SLC35F3: variants seen among roughly 807,000 people sequenced by gnomAD.
The protein encoded by SLC35F3 is solute carrier family 35 member F3.
A neutral mutation model predicts 49.9 loss-of-function variants in SLC35F3; 25 were observed. That is an observed-to-expected ratio of 0.50 (90% CI 0.37 to 0.70). The LOEUF (loss-of-function observed/expected upper bound fraction) is 0.70. SLC35F3 is among the 30% of genes least tolerant of loss of function. The probability of loss-of-function intolerance (pLI) is 0.00; values close to 1 mark genes in which losing one functional copy is unlikely to be tolerated. For missense variants in SLC35F3, 525 were observed against 639.8 expected, an observed-to-expected ratio of 0.82 and a Z score of 1.94; for synonymous variants, 275 against 265.4, an observed-to-expected ratio of 1.04 and a Z score of -0.35.
At chr1:234,091,102 C>T (rs1345421070) in intron 2 of SLC35F3, among the ~76,000 whole-genome samples, 4 of 152,208 alleles carry the variant, frequency 2.6e-5, no homozygotes, top group African/African-American at 7.2e-5. Flanking sequence ...ATAAAAGATA[C>T]ACCCAATACA....
intron 2 of SLC35F3, among the ~76,000 whole-genome samples, chr1:234,192,340 A>G (rs972265470): frequency 3.9e-5 from 6 of 152,202 alleles, no homozygotes; most frequent in African/African-American, 1.4e-4. Flanking sequence ...GAGAATTAAA[A>G]ACAAAAATCA....
intron 3 of SLC35F3, among the ~76,000 whole-genome samples, chr1:234,233,661 A>G (rs1667418886): frequency 6.6e-6 from 1 of 152,228 alleles, no homozygotes; most frequent in African/African-American, 2.4e-5. Context: ...CAGCACCTTG[A>G]TTTCAACCTA....
chr1:234,169,409 G>C (rs1312496337), intron 2 of SLC35F3, among the ~76,000 whole-genome samples: 1 of 152,188 alleles, frequency 6.6e-6, no homozygotes, highest in African/African-American at 2.4e-5. Context: ...CCCAGCAGAT[G>C]GTTAGCAACA....
intron 3 of SLC35F3, among the ~76,000 whole-genome samples, chr1:234,275,759 A>T (rs200404693): frequency 1.5e-5 from 2 of 137,008 alleles, no homozygotes; most frequent in African/African-American, 2.9e-5. Context: ...ATTGAAAAAA[A>T]AAAAATATAT....
At position 233,919,393 on chromosome 1, in the gene SLC35F3, T is replaced by C. The variant is rs924748387; in HGVS notation, c.283+13635T>C. On this transcript the variant is annotated intron_variant, in intron 2 of 7. Coordinates refer to ENST00000366618, the MANE Select transcript of SLC35F3 (RefSeq NM_173508.4). The stretch of plus-strand genomic sequence containing the variant: ...TGGCCACATCACTGTCCCTCAGATA[T>C]GCTCATTGGTGTGTGGTGACCAATA... Among the ~76,000 whole-genome samples, 7 of 152,208 alleles carry C rather than the reference T, an allele frequency of 4.6e-5. No homozygotes were observed. In the East Asian group the frequency reaches 5.8e-4, roughly 13 times the overall value.
intron 2 of SLC35F3, among the ~76,000 whole-genome samples, chr1:233,961,338 C>T (rs1662797263): frequency 6.6e-6 from 1 of 151,992 alleles, no homozygotes; most frequent in Admixed American, 6.6e-5. Context: ...AGATCTTGGG[C>T]CCCACCCAGA....
chr1:234,272,427 G>A (rs1217061750), intron 3 of SLC35F3: 1 of 152,206 alleles, frequency 6.6e-6, no homozygotes, highest in African/African-American at 2.4e-5. Context: ...TATACTTTTG[G>A]AGTAACATCT....
intron 2 of SLC35F3, among the ~76,000 whole-genome samples, chr1:234,191,115 T>G (rs1189050639): frequency 1.3e-5 from 2 of 152,196 alleles, no homozygotes; most frequent in Non-Finnish European, 2.9e-5. Flanking sequence ...AGGCTTCAAT[T>G]ATGCCTAATC....
chr1:234,099,609 AAAAAAAAAAAAAAAAAAAC>A (rs1665183849), intron 2 of SLC35F3, among the ~76,000 whole-genome samples: 1 of 147,294 alleles, frequency 6.8e-6, no homozygotes, highest in South Asian at 2.2e-4. Flanking sequence ...ACTCTGTCTA[AAAAAAAAAAAAAAAAAAAC>A]AAAAAAAAGA....
intron 2 of SLC35F3, among the ~76,000 whole-genome samples, chr1:234,026,004 C>T (rs1663972755): frequency 6.6e-6 from 1 of 152,200 alleles, no homozygotes; most frequent in Non-Finnish European, 1.5e-5. Context: ...GGTCCACTTT[C>T]ATTCTTTTGC....
intron 2 of SLC35F3, among the ~76,000 whole-genome samples, chr1:234,138,829 A>G (rs1665846848): frequency 6.6e-6 from 1 of 152,212 alleles, no homozygotes; most frequent in African/African-American, 2.4e-5. Context: ...GGAATTATAC[A>G]GGCGAGAGCC....
At chr1:233,955,482 G>T (rs764159300) in intron 2 of SLC35F3, among the ~76,000 whole-genome samples, 1 of 152,122 alleles carries the variant, frequency 6.6e-6, no homozygotes, top group Non-Finnish European at 1.5e-5. Context: ...TATCTAATTG[G>T]TGGACACTTC....
At chr1:234,314,639 T>C (rs963213550) in intron 4 of SLC35F3, among the ~76,000 whole-genome samples, 1 of 152,144 alleles carries the variant, frequency 6.6e-6, no homozygotes, top group Admixed American at 6.5e-5. Flanking sequence ...CGGGCACCTG[T>C]AGTCACAAAC....
chr1:234,121,387 C>T (rs1427707893), intron 2 of SLC35F3, among the ~76,000 whole-genome samples: 1 of 151,996 alleles, frequency 6.6e-6, no homozygotes, highest in Non-Finnish European at 1.5e-5. Flanking sequence ...ATCCGCCCGC[C>T]TCGGCCTCCC....
chr1:233,930,953 G>A (rs1323164434), intron 2 of SLC35F3, among the ~76,000 whole-genome samples: 1 of 152,088 alleles, frequency 6.6e-6, no homozygotes, highest in Non-Finnish European at 1.5e-5. Flanking sequence ...ATAGACCAAT[G>A]GAACAGAACA....
At chr1:233,905,233 G>A (rs1258514182) in intron 1 of SLC35F3, 103 bp downstream of exon 1, 2 of 1,274,814 alleles carry the variant, frequency 1.6e-6, no homozygotes, top group Non-Finnish European at 2.2e-6. Flanking sequence ...GAGGCTCGGG[G>A]AAGGGCGGCG....
At chr1:234,053,489 C>T (rs955878841) in intron 2 of SLC35F3, among the ~76,000 whole-genome samples, 3 of 151,728 alleles carry the variant, frequency 2.0e-5, no homozygotes, top group Non-Finnish European at 4.4e-5. Flanking sequence ...TTTTCTATTT[C>T]CTTGGTTGAT....
intron 2 of SLC35F3, among the ~76,000 whole-genome samples, chr1:233,981,665 GA>G (rs57909733): frequency 0.099 from 13,609 of 138,126 alleles, 1,008 homozygotes; most frequent in East Asian, 0.24. Context: ...CTTTTCTCTG[GA>G]AAAAAAAAAA....
intron 2 of SLC35F3, among the ~76,000 whole-genome samples, chr1:234,227,897 A>G (rs1485986189): frequency 6.6e-6 from 1 of 152,238 alleles, no homozygotes; most frequent in Admixed American, 6.5e-5. Flanking sequence ...TGGCCAGTTC[A>G]TTGAAAATGA....
Sources: allele counts gnomAD v4.1 joint callset (sites outside exome capture counted in the v4.1 genomes callset), GRCh38; gene constraint gnomAD v4.1.1; transcripts MANE v1.5; gene names NCBI Gene and HGNC (gene_info 2026-07-23, HGNC 2026-07-21).